KIAA0825: variants seen among roughly 807,000 people sequenced by gnomAD.
KIAA0825 encodes uncharacterized protein KIAA0825.
A neutral mutation model predicts 147.6 loss-of-function variants in KIAA0825; 119 were observed. The ratio of observed to expected loss-of-function variants is 0.81; its 90% CI spans 0.69 to 0.94. The LOEUF (loss-of-function observed/expected upper bound fraction) is 0.94, where lower values mean the gene tolerates loss of function less well. KIAA0825 is among the 40% of genes least tolerant of loss of function. The probability of loss-of-function intolerance (pLI) is 0.00; values close to 1 mark genes in which losing one functional copy is unlikely to be tolerated. For synonymous variants in KIAA0825, 470 were observed against 518.1 expected (o/e 0.91, Z 1.26); for missense variants, 1,381 against 1,472.7 (o/e 0.94, Z 1.02).
chr5:94,159,918 T>C (rs1767394649), intron 20 of KIAA0825, among the ~76,000 whole-genome samples: 1 of 152,226 alleles, frequency 6.6e-6, no homozygotes, highest in Admixed American at 6.5e-5. Flanking sequence ...ATTTATTAGT[T>C]AATTGTAGTG....
chr5:94,176,464 C>G (rs1769115860), intron 20 of KIAA0825, among the ~76,000 whole-genome samples: 2 of 151,992 alleles, frequency 1.3e-5, no homozygotes, highest in South Asian at 4.2e-4. Flanking sequence ...GGAGACACCC[C>G]CATCAGTCTA....
chr5:94,443,525 A>G (rs544753699), intron 13 of KIAA0825, among the ~76,000 whole-genome samples: 10 of 152,102 alleles, frequency 6.6e-5, no homozygotes, highest in South Asian at 6.2e-4. Context: ...TTATACTGCA[A>G]TAAGTGCTGT....
intron 20 of KIAA0825, among the ~76,000 whole-genome samples, chr5:94,205,563 T>A (rs985945307): frequency 6.6e-6 from 1 of 152,078 alleles, no homozygotes; most frequent in Non-Finnish European, 1.5e-5. Context: ...AGTGCTGGGA[T>A]TACAGGCGTG....
At chr5:94,189,339 G>T (rs576025378) in intron 20 of KIAA0825, among the ~76,000 whole-genome samples, 46 of 152,046 alleles carry the variant, frequency 3.0e-4, no homozygotes, top group Non-Finnish European at 5.6e-4. Context: ...AGAAATCTTT[G>T]CCTAACCTAG....
At position 94,484,766 on chromosome 5, in the gene KIAA0825, T is replaced by C. The variant is rs1344898599; in HGVS notation, c.1132+3A>G. The C allele has an allele frequency of 2.0e-6, 3 of 1,474,402 alleles. No homozygotes were observed. The highest frequency in any genetic ancestry group is 1.4e-5 in the African/African-American group (1 of 71,028). The allele number at this position is 1,474,402 out of a possible 1,614,324, so 91.3% of individuals were successfully genotyped here. On this transcript the variant is annotated splice_donor_region_variant and intron_variant, in intron 6 of 20. Coordinates refer to ENST00000682413, the MANE Select transcript of KIAA0825 (RefSeq NM_001145678.3). ...TACAAATTTAAACAAAAGAGGATATTACCTGAAGTATCCCTGGTTATCTTG... is the reference window on the plus strand; with the variant it reads ...TACAAATTTAAACAAAAGAGGATATCACCTGAAGTATCCCTGGTTATCTTG...
intron 20 of KIAA0825, among the ~76,000 whole-genome samples, chr5:94,157,110 AG>A (rs1181365777): frequency 6.6e-6 from 1 of 152,216 alleles, no homozygotes; most frequent in African/African-American, 2.4e-5. Flanking sequence ...TGGTGGAAAA[AG>A]CATATCCCTA....
intron 1 of KIAA0825, among the ~76,000 whole-genome samples, chr5:94,615,937 AG>A (rs1790346970): frequency 6.6e-6 from 1 of 152,128 alleles, no homozygotes; most frequent in Admixed American, 6.5e-5. Context: ...TATAGAACAT[AG>A]TAAAAAGAGC....
chr5:94,217,245 C>T (rs907647380), intron 20 of KIAA0825, among the ~76,000 whole-genome samples: 4 of 151,668 alleles, frequency 2.6e-5, no homozygotes, highest in Non-Finnish European at 4.4e-5. Flanking sequence ...AAATGACTTA[C>T]GTATCATTTA....
chr5:94,612,829 CCA>C (rs1252119960), intron 1 of KIAA0825, among the ~76,000 whole-genome samples: 1 of 152,098 alleles, frequency 6.6e-6, no homozygotes, highest in Non-Finnish European at 1.5e-5. Context: ...ATAGTTAGAG[CCA>C]CAGACCCTAA....
intron 1 of KIAA0825, among the ~76,000 whole-genome samples, chr5:94,601,320 G>T (rs761772847): frequency 1.4e-4 from 21 of 152,176 alleles, no homozygotes; most frequent in Non-Finnish European, 1.5e-4. Context: ...CCAGCAAACT[G>T]CAGCAGCGCT....
chr5:94,613,183 G>A (rs1789376062), intron 1 of KIAA0825, among the ~76,000 whole-genome samples: 1 of 152,102 alleles, frequency 6.6e-6, no homozygotes, highest in Non-Finnish European at 1.5e-5. Flanking sequence ...ATGCACTAAA[G>A]TTTGACCTTG....
chr5:94,393,879 A>C (rs1750249873), intron 17 of KIAA0825, among the ~76,000 whole-genome samples: 2 of 147,368 alleles, frequency 1.4e-5, no homozygotes, highest in Non-Finnish European at 3.0e-5. Flanking sequence ...ACAGAGTTTC[A>C]CTCTTGTTGC....
intron 10 of KIAA0825, among the ~76,000 whole-genome samples, chr5:94,468,778 T>C (rs893499331): frequency 6.6e-6 from 1 of 152,198 alleles, no homozygotes; most frequent in Non-Finnish European, 1.5e-5. Flanking sequence ...GCGATTCTGA[T>C]GAATAAAACT....
At chr5:94,281,028 T>A (rs2150154330) in intron 20 of KIAA0825, among the ~76,000 whole-genome samples, 1 of 152,214 alleles carries the variant, frequency 6.6e-6, no homozygotes, top group South Asian at 2.1e-4. Flanking sequence ...GAGAAGCCAA[T>A]CATAAATGGT....
chr5:94,579,737 T>C (rs982805169), intron 2 of KIAA0825, among the ~76,000 whole-genome samples: 1 of 152,208 alleles, frequency 6.6e-6, no homozygotes, highest in South Asian at 2.1e-4. Flanking sequence ...TTTATTTGAA[T>C]AGCTTCCTCT....
intron 12 of KIAA0825, among the ~76,000 whole-genome samples, chr5:94,457,618 T>C (rs1175548686): frequency 1.3e-5 from 2 of 152,242 alleles, no homozygotes; most frequent in Non-Finnish European, 2.9e-5. Context: ...GGTTCTCTGA[T>C]CTACACCTAT....
At chr5:94,604,663 GAAAT>G (rs904173099) in intron 1 of KIAA0825, among the ~76,000 whole-genome samples, 3 of 152,100 alleles carry the variant, frequency 2.0e-5, no homozygotes, top group Non-Finnish European at 2.9e-5. Flanking sequence ...AGTAAATAAT[GAAAT>G]AAAGGCAGAA....
Position 94,465,040 on chromosome 5 carries a change from G to A in KIAA0825, c.1892C>T (p.Ser631Leu), listed in dbSNP as rs760254979. ...AFYEGERCSF[S>L]IQMWHYFCWS... ...GCAGAAATAATGCCACATCTGGATCGAGAAGGAACATCTTTCCCCCTGGCA... is the reference window on the plus strand; with the variant it reads ...GCAGAAATAATGCCACATCTGGATCAAGAAGGAACATCTTTCCCCCTGGCA... The change falls in exon 11 of 21, where the codon TCG (serine) becomes TTG (leucine). Residue 631 changes from serine (S) to leucine (L), a missense_variant. Physicochemically the swap from Ser to Leu is moderately radical, Grantham distance 145. Coordinates refer to ENST00000682413, the MANE Select transcript of KIAA0825 (RefSeq NM_001145678.3). The A allele has an allele frequency of 8.4e-6, 13 of 1,551,312 alleles. No homozygotes were observed. In the Admixed American group the frequency reaches 1.4e-4, roughly 16 times the overall value.
At chr5:94,227,348 G>T (rs1186605475) in intron 20 of KIAA0825, among the ~76,000 whole-genome samples, 2 of 151,778 alleles carry the variant, frequency 1.3e-5, no homozygotes, top group African/African-American at 4.8e-5. Context: ...ATTGAACAAT[G>T]AGAACACATG....
Sources: allele counts gnomAD v4.1 joint callset (sites outside exome capture counted in the v4.1 genomes callset), GRCh38; gene constraint gnomAD v4.1.1; transcripts MANE v1.5; gene names NCBI Gene and HGNC (gene_info 2026-07-23, HGNC 2026-07-21).